The following NRXN3 variants were observed in gnomAD, a reference collection of about 807,000 sequenced individuals.
NRXN3 encodes neurexin III.
In NRXN3, 32 loss-of-function variants were observed where a neutral mutation model predicts 137.6. The observed-to-expected ratio is 0.23, with a 90% confidence interval of 0.18 to 0.31. NRXN3 has a LOEUF of 0.31. Among genes scored for constraint, NRXN3 ranks in the 10% least tolerant of loss-of-function variants. The pLI is 1.00. For missense variants in NRXN3, 1,574 were observed against 2,062.5 expected (o/e 0.76, Z 4.59); for synonymous variants, 798 against 784.5 (o/e 1.02, Z -0.29).
chr14:78,984,827 T>G (rs549395587), intron 14 of NRXN3, among the ~76,000 whole-genome samples: 17 of 152,292 alleles, frequency 1.1e-4, no homozygotes, highest in Admixed American at 4.6e-4. Flanking sequence ...TGTAGCACTG[T>G]GAGCTAGGGA....
chr14:78,818,661 T>C (rs74065168), intron 10 of NRXN3, among the ~76,000 whole-genome samples: 3,288 of 152,292 alleles, frequency 0.022, 48 homozygotes, highest in East Asian at 0.06. Context: ...AAATATTGCA[T>C]GTTGTCATTC....
intron 15 of NRXN3, among the ~76,000 whole-genome samples, chr14:79,235,787 T>C (rs559097405): frequency 1.3e-5 from 2 of 152,254 alleles, no homozygotes; most frequent in South Asian, 4.2e-4. Context: ...TGATTAGGTA[T>C]GGATGTGTAA....
intron 15 of NRXN3, among the ~76,000 whole-genome samples, chr14:79,096,545 C>T (rs372064441): frequency 1.3e-5 from 2 of 152,100 alleles, no homozygotes; most frequent in African/African-American, 4.8e-5. Context: ...TTCTCTGAGC[C>T]ATGGCTCCTT....
At chr14:78,668,869 A>C (rs2097909888) in intron 6 of NRXN3, among the ~76,000 whole-genome samples, 1 of 152,192 alleles carries the variant, frequency 6.6e-6, no homozygotes, top group African/African-American at 2.4e-5. Context: ...GACTCTTGCT[A>C]TAGTTAAATG....
intron 4 of NRXN3, among the ~76,000 whole-genome samples, chr14:78,642,464 G>T (rs2097645634): frequency 6.6e-6 from 1 of 152,182 alleles, no homozygotes; most frequent in Non-Finnish European, 1.5e-5. Context: ...AAGGGTACTG[G>T]ATGATTAATT....
chr14:78,324,155 C>G (rs747171991), intron 4 of NRXN3, among the ~76,000 whole-genome samples: 1 of 152,102 alleles, frequency 6.6e-6, no homozygotes, highest in Non-Finnish European at 1.5e-5. Flanking sequence ...GCTCTGCAGC[C>G]TTCAACCTCT....
intron 2 of NRXN3, among the ~76,000 whole-genome samples, chr14:78,244,106 A>G (rs1389001971): frequency 6.6e-6 from 1 of 152,156 alleles, no homozygotes; most frequent in Non-Finnish European, 1.5e-5. Context: ...CGTTTATCAC[A>G]GTCAACCCAG....
chr14:79,395,484 A>T (rs2094988682), intron 15 of NRXN3, among the ~76,000 whole-genome samples: 1 of 152,232 alleles, frequency 6.6e-6, no homozygotes, highest in Non-Finnish European at 1.5e-5. Flanking sequence ...AAGATGTTGC[A>T]TATGTGGAGT....
At chr14:78,592,840 C>T (rs2097128383) in intron 4 of NRXN3, among the ~76,000 whole-genome samples, 1 of 152,206 alleles carries the variant, frequency 6.6e-6, no homozygotes, top group South Asian at 2.1e-4. Flanking sequence ...CAGAATCCCT[C>T]TGTCCAGGGA....
chr14:79,042,073 A>G (rs1449209851), intron 15 of NRXN3, among the ~76,000 whole-genome samples: 1 of 152,190 alleles, frequency 6.6e-6, no homozygotes, highest in Non-Finnish European at 1.5e-5. Flanking sequence ...CCGGTAGGGT[A>G]TTGTTGCAAA....
At position 78,259,503 on chromosome 14, in the gene NRXN3, G is replaced by A. The variant is rs552239421; in HGVS notation, c.709+15701G>A. 5.7e-4 allele frequency among the ~76,000 whole-genome samples: 87 copies of A among 152,244 alleles called. No homozygotes were observed. In the South Asian group the frequency reaches 0.017, roughly 30 times the overall value. On this transcript the variant is annotated intron_variant, in intron 2 of 20. Transcript: ENST00000335750. ...TCAAAGCCATATACCTCTAGGGATC[G>A]AGGGAAGAAATTCTCCTACCTCTGG...
intron 16 of NRXN3, among the ~76,000 whole-genome samples, chr14:79,607,571 G>C (rs2098037058): frequency 6.6e-6 from 1 of 152,128 alleles, no homozygotes; most frequent in Non-Finnish European, 1.5e-5. Flanking sequence ...ATCTTTTCTG[G>C]TGGGAAAAGG....
intron 15 of NRXN3, among the ~76,000 whole-genome samples, chr14:79,463,475 T>TAA (rs137934813): frequency 4.0e-5 from 6 of 148,244 alleles, no homozygotes; most frequent in South Asian, 4.3e-4. Context: ...GGTTGTGAGT[T>TAA]AAAAAAAAAA....
chr14:78,771,345 A>C (rs1294798561), intron 8 of NRXN3, among the ~76,000 whole-genome samples: 2 of 152,184 alleles, frequency 1.3e-5, no homozygotes, highest in Non-Finnish European at 2.9e-5. Flanking sequence ...GCACAATCTC[A>C]TTATCATCCA....
chr14:79,501,970 G>A lies in NRXN3; in HGVS notation c.3444+34568G>A, dbSNP rs188080045. 1.4e-4 allele frequency among the ~76,000 whole-genome samples: 21 copies of A among 152,248 alleles called. No homozygotes were observed. In the East Asian group the frequency reaches 4.1e-3, roughly 29 times the overall value. On this transcript the variant is annotated intron_variant, in intron 16 of 20. Transcript: ENST00000335750. ...TTACTTTTTAAAAAAAGATGTAGAG[G>A]CACAAGGCTAGATGTTGATCCTTGA... is the stretch of plus-strand genomic sequence containing the variant.
chr14:78,386,493 T>C (rs1402849203), intron 4 of NRXN3, among the ~76,000 whole-genome samples: 3 of 152,106 alleles, frequency 2.0e-5, no homozygotes, highest in Admixed American at 6.6e-5. Flanking sequence ...CCAGAAGTCT[T>C]ATATATTGTC....
chr14:78,418,821 A>G (rs1056119682), intron 4 of NRXN3, among the ~76,000 whole-genome samples: 2 of 152,212 alleles, frequency 1.3e-5, no homozygotes, highest in East Asian at 1.9e-4. Context: ...ATTTCAATTT[A>G]TAACTTTATG....
intron 2 of NRXN3, among the ~76,000 whole-genome samples, chr14:78,252,745 G>A (rs2068839033): frequency 6.6e-6 from 1 of 152,186 alleles, no homozygotes; most frequent in Non-Finnish European, 1.5e-5. Context: ...AGGTATGATT[G>A]GAAATGTGTT....
chr14:78,521,920 A>G (rs1387104206), intron 4 of NRXN3, among the ~76,000 whole-genome samples: 2 of 152,184 alleles, frequency 1.3e-5, no homozygotes, highest in Non-Finnish European at 2.9e-5. Flanking sequence ...ATCATAAAGG[A>G]TGGTAGCCCA....
Sources: allele counts gnomAD v4.1 joint callset (sites outside exome capture counted in the v4.1 genomes callset), GRCh38; gene constraint gnomAD v4.1.1; transcripts MANE v1.5; gene names NCBI Gene and HGNC (gene_info 2026-07-23, HGNC 2026-07-21).